Variants in SMARCD3 observed in about 807,000 individuals in gnomAD.
SMARCD3 encodes the protein SWI/SNF related BAF chromatin remodeling complex subunit D3.
Under a neutral mutation model 58.0 loss-of-function variants are expected in SMARCD3, and 14 were observed. The ratio of observed to expected loss-of-function variants is 0.24; its 90% confidence interval spans 0.16 to 0.38. The LOEUF is 0.38. SMARCD3 is among the 10% of genes least tolerant of loss of function. The pLI is 1.00. For missense variants in SMARCD3, 408 were observed against 636.9 expected (o/e 0.64, Z 3.87); for synonymous variants, 253 against 253.8 (o/e 1.00, Z 0.03).
chr7:151,272,757 CTCA>C (rs1404914714), intron 2 of SMARCD3, among the ~76,000 whole-genome samples: 1 of 152,162 alleles, frequency 6.6e-6, no homozygotes, highest in East Asian at 1.9e-4. Context: ...TCCCACACCC[CTCA>C]TTAGCAAGGA....
chr7:151,248,419 C>T lies in SMARCD3; in HGVS notation c.78+66G>A, dbSNP rs1161262767. 2 of 1,393,106 alleles carry T rather than the reference C, an allele frequency of 1.4e-6. No homozygotes were observed. The highest frequency in any genetic ancestry group is 2.4e-5 in the East Asian group (1 of 41,734). 86.3% of individuals were successfully genotyped at this position (1,393,106 alleles called of 1,614,324 possible). ...GCGGGAGCGCCCTCCCGGCCCCTCCCGATCAGCCCTCCATTCAGCCCGAGC... is the reference window on the plus strand; with the variant it reads ...GCGGGAGCGCCCTCCCGGCCCCTCCTGATCAGCCCTCCATTCAGCCCGAGC... On this transcript the variant is annotated intron_variant, in intron 1 of 12. Transcript: ENST00000262188. The surrounding 1 kb of genome is among the most constrained non-coding windows in gnomAD (Gnocchi z 6.1).
chr7:151,253,084 C>G (rs1474250697), upstream of SMARCD3, among the ~76,000 whole-genome samples: 1 of 152,172 alleles, frequency 6.6e-6, no homozygotes, highest in Admixed American at 6.5e-5. Flanking sequence ...TAGAGCCCTT[C>G]CAGCTCTGAA....
rs755417470 is a variant in SMARCD3, at chr7:151,248,451, GC to G, written c.78+33del. 38 of 1,572,984 alleles carry G rather than the reference GC, an allele frequency of 2.4e-5. 1 individual carries two copies. The South Asian group carries it at 4.1e-4, about 17-fold the overall frequency. ...CCCTCCATTCAGCCCGAGCCAGCTC[GC>G]TTGCCCTCCCCCGCTAACTTTCCCC... On this transcript the variant is annotated intron_variant, in intron 1 of 12. Transcript: ENST00000262188. The surrounding 1 kb of genome is among the most constrained non-coding windows in gnomAD (Gnocchi z 6.1).
intron 2 of SMARCD3, chr7:151,275,044 G>T: frequency 7.6e-7 from 1 of 1,309,508 alleles, no homozygotes; most frequent in Non-Finnish European, 1.1e-6. Context: ...AGCAGGAGCC[G>T]AGGGCTGGCC....
chr7:151,241,432 C>T lies in SMARCD3; in HGVS notation c.939+60G>A. The T allele has an allele frequency of 1.4e-6, 2 of 1,453,072 alleles. No homozygotes were observed. Among genetic ancestry groups the T allele is most frequent in the Non-Finnish European group, 1.9e-6 (2 of 1,046,844 alleles). The allele number at this position is 1,453,072 out of a possible 1,614,324, so 90.0% of individuals were successfully genotyped here. On this transcript the variant is annotated intron_variant, in intron 8 of 12. Transcript: ENST00000262188. This position sits in a 1 kb window ranked among gnomAD's most constrained non-coding sequence, Gnocchi z 5.3. ...GGTGGTAGTTACCTTGGTAGAGGTA[C>T]TTCCCCTGCTGGAGAACTCCGCCTG...
chr7:151,274,870 A>T (rs561659754), intron 2 of SMARCD3, among the ~76,000 whole-genome samples: 1 of 152,284 alleles, frequency 6.6e-6, no homozygotes, highest in South Asian at 2.1e-4. Context: ...GGACCTAAGG[A>T]CACCAGGAGG....
chr7:151,246,429 CAG>C lies in SMARCD3; in HGVS notation c.79-760_79-759del, dbSNP rs1268402750. 1.3e-5 allele frequency among the ~76,000 whole-genome samples: 2 copies of C among 152,182 alleles called. No individual in the cohort carries two copies. The highest frequency in any genetic ancestry group is 3.9e-4 in the East Asian group (2 of 5,184). ...CCCAGGGTGAGGGCTGGAGGCAGGG[CAG>C]GCAAGGGCAGCCTGCTGGGGCGCCC... On this transcript the variant is annotated intron_variant, in intron 1 of 12. Coordinates refer to ENST00000262188, the MANE Select transcript of SMARCD3 (RefSeq NM_001003801.2). This position sits in a 1 kb window ranked among gnomAD's most constrained non-coding sequence, Gnocchi z 4.4.
chr7:151,261,112 C>T (rs1317367515), intron 2 of SMARCD3, among the ~76,000 whole-genome samples: 2 of 152,188 alleles, frequency 1.3e-5, no homozygotes, highest in African/African-American at 4.8e-5. Context: ...GCTGGCTGTG[C>T]TCTCTACCCC....
chr7:151,240,006 T>TG, intron 10 of SMARCD3, 106 bp downstream of exon 10: 1 of 1,140,476 alleles, frequency 8.8e-7, no homozygotes, highest in South Asian at 1.5e-5. Context: ...TTTTTTTTTT[T>TG]AATTTAACCC....
intron 2 of SMARCD3, among the ~76,000 whole-genome samples, chr7:151,255,246 C>T (rs1803662899): frequency 6.6e-6 from 1 of 152,182 alleles, no homozygotes. Flanking sequence ...GCCCCTGAAA[C>T]CCTCCTACTG....
At chr7:151,274,963 G>C in intron 2 of SMARCD3, 1 of 638,010 alleles carries the variant, frequency 1.6e-6, no homozygotes, top group Non-Finnish European at 2.8e-6. Flanking sequence ...GAGAGGGACA[G>C]AGAGGCCCTG....
chr7:151,242,291 A>G lies in SMARCD3; in HGVS notation c.580-59T>C. On this transcript the variant is annotated intron_variant, in intron 5 of 12. Coordinates refer to ENST00000262188, the MANE Select transcript of SMARCD3 (RefSeq NM_001003801.2). This position sits in a 1 kb window ranked among gnomAD's most constrained non-coding sequence, Gnocchi z 4.7. ...ACAGGGACGAGGTGGGAGGAGCAGA[A>G]GGAGGCCAAGTTGGCAGCCGACAGG... 1 of 1,480,276 alleles carries G rather than the reference A, an allele frequency of 6.8e-7. No homozygotes were observed. The highest frequency in any genetic ancestry group is 9.4e-7 in the Non-Finnish European group (1 of 1,058,370). 91.7% of individuals were successfully genotyped at this position (1,480,276 alleles called of 1,614,324 possible).
At chr7:151,240,654 G>C (rs1802936844) in intron 8 of SMARCD3, 132 bp from the exon 9 acceptor site, 2 of 691,806 alleles carry the variant, frequency 2.9e-6, no homozygotes, top group Non-Finnish European at 2.5e-6. Flanking sequence ...GCATGGGGAT[G>C]GGATTGGGGT....
chr7:151,238,791 T>C lies in SMARCD3; in HGVS notation c.*312A>G, dbSNP rs779833058. 1.2e-5 allele frequency: 19 copies of C among 1,556,792 alleles called. No homozygotes were observed. The highest frequency in any genetic ancestry group is 3.5e-5 in the South Asian group (3 of 84,904). On this transcript the variant is annotated 3_prime_UTR_variant, in exon 13 of 13. Transcript: ENST00000262188. ...GAATTGTTGCTGTATTTTTTAAATA[T>C]GAAAATGTTATTAAACATGTCTTCT... is the stretch of plus-strand genomic sequence containing the variant.
At chr7:151,255,311 C>A (rs1252271123) in intron 2 of SMARCD3, among the ~76,000 whole-genome samples, 1 of 152,186 alleles carries the variant, frequency 6.6e-6, no homozygotes, top group Non-Finnish European at 1.5e-5. Context: ...TGGAAGCATC[C>A]TCTTTGCCTT....
intron 2 of SMARCD3, among the ~76,000 whole-genome samples, chr7:151,255,219 G>A (rs977574256): frequency 1.3e-5 from 2 of 152,054 alleles, no homozygotes; most frequent in African/African-American, 4.8e-5. Context: ...CCCTCCTACA[G>A]TTGCCATCTC....
Position 151,245,320 on chromosome 7 carries a change from G to A in SMARCD3, c.290+140C>T. 1 of 382,584 alleles carries A rather than the reference G, an allele frequency of 2.6e-6. No homozygotes were observed. The highest frequency in any genetic ancestry group is 3.9e-5 in the East Asian group (1 of 25,642). 23.7% of individuals were successfully genotyped at this position (382,584 alleles called of 1,614,324 possible). On this transcript the variant is annotated intron_variant, in intron 2 of 12. Coordinates refer to ENST00000262188, the MANE Select transcript of SMARCD3 (RefSeq NM_001003801.2). The surrounding 1 kb of genome is among the most constrained non-coding windows in gnomAD (Gnocchi z 6.2). ...CCCCCTAAGCCTACCTCCCCAGAGG[G>A]CATTCGACCCGGGAAGCCTCGCTCC...
intron 2 of SMARCD3, among the ~76,000 whole-genome samples, chr7:151,259,325 C>A (rs1803821824): frequency 6.8e-6 from 1 of 146,490 alleles, no homozygotes; most frequent in Admixed American, 6.9e-5. Context: ...GCACTCCAGC[C>A]TAGGTGACAG....
At chr7:151,265,118 C>CAA (rs1804042139) in intron 2 of SMARCD3, among the ~76,000 whole-genome samples, 2 of 152,154 alleles carry the variant, frequency 1.3e-5, no homozygotes, top group Non-Finnish European at 2.9e-5. Context: ...ACTGTGTCCC[C>CAA]CAAAATTCAT....
Sources: allele counts gnomAD v4.1 joint callset (sites outside exome capture counted in the v4.1 genomes callset), GRCh38; gene constraint gnomAD v4.1.1; non-coding constraint Gnocchi (gnomAD v3.1); transcripts MANE v1.5; gene names NCBI Gene and HGNC (gene_info 2026-07-23, HGNC 2026-07-21).